B3GNT5: variants seen among roughly 807,000 people sequenced by gnomAD.
B3GNT5 encodes lactosylceramide 1,3-N-acetyl-beta-D-glucosaminyltransferase.
A neutral mutation model predicts 25.9 loss-of-function variants in B3GNT5; 11 were observed. That is an observed-to-expected ratio of 0.42 (90% confidence interval 0.27 to 0.70). B3GNT5 has a LOEUF of 0.70. B3GNT5 is among the 30% of genes least tolerant of loss of function. B3GNT5 has a pLI of 0.23. For missense variants in B3GNT5, 385 were observed against 458.4 expected (o/e 0.84, Z 1.46); for synonymous variants, 166 against 158.6 (o/e 1.05, Z -0.35).
At chr3:183,258,045 G>A (rs768868053) in intron 1 of B3GNT5, among the ~76,000 whole-genome samples, 2 of 120,032 alleles carry the variant, frequency 1.7e-5, no homozygotes, top group African/African-American at 3.1e-5. Flanking sequence ...TCGGCTCACC[G>A]CAACCTCCGC....
intron 1 of B3GNT5, among the ~76,000 whole-genome samples, chr3:183,257,571 T>C (rs1045931084): frequency 6.6e-6 from 1 of 152,210 alleles, no homozygotes; most frequent in African/African-American, 2.4e-5. Context: ...TAAATGTTGA[T>C]CCACCAAGAC....
intron 1 of B3GNT5, among the ~76,000 whole-genome samples, chr3:183,260,176 G>A (rs1449966543): frequency 2.6e-5 from 4 of 152,038 alleles, no homozygotes; most frequent in Admixed American, 6.6e-5. Context: ...TCGGTATCTC[G>A]ATGCCTCAGT....
chr3:183,253,887 C>T (rs1724753678), intron 1 of B3GNT5: 1 of 152,242 alleles, frequency 6.6e-6, no homozygotes, highest in South Asian at 2.1e-4. Flanking sequence ...CGGCCGAGGC[C>T]TCTCTGGGTG....
intron 1 of B3GNT5, among the ~76,000 whole-genome samples, chr3:183,269,230 C>CTTTTTTGTTTTTTT (rs1726469621): frequency 1.2e-5 from 1 of 81,030 alleles, no homozygotes; most frequent in Non-Finnish European, 2.2e-5. Context: ...GTTTGGGAAG[C>CTTTTTTGTTTTTTT]TTTTTTTTTT....
In B3GNT5 at chr3:183,269,811, G is replaced by GT; in HGVS notation, c.15dup (p.Ser6Ter). On this transcript the variant is annotated frameshift_variant, in exon 2 of 2. Transcript: ENST00000326505. LOFTEE classifies it high-confidence loss of function. Reference sequence around the variant, plus strand: ...GACTTGAGTGGATATGAGAATGTTGGTTAGTGGCAGAAGAGTCAAAAAATG... The same window carrying GT: ...GACTTGAGTGGATATGAGAATGTTGGTTTAGTGGCAGAAGAGTCAAAAAATG... 6.2e-7 allele frequency: 1 copy of GT among 1,605,912 alleles called. No homozygotes were observed. Among genetic ancestry groups the GT allele is most frequent in the Non-Finnish European group, 8.5e-7 (1 of 1,176,114 alleles).
rs1396771956 is a variant in B3GNT5 at position 183,270,289 on chromosome 3, C to G, written c.491C>G (p.Ser164Cys). The change falls in exon 2 of 2, where the codon TCT becomes TGT. Residue 164 changes from serine to cysteine, a missense_variant. Coordinates refer to ENST00000326505, the MANE Select transcript of B3GNT5 (RefSeq NM_032047.5). This position sits in a 1 kb window ranked among gnomAD's most constrained non-coding sequence, Gnocchi z 4.5. Reference sequence around the variant, plus strand: ...ATAATTCAGCAAGACTTTGTTGATTCTTTCTACAATCTTACTCTGAAATTA... The same window carrying G: ...ATAATTCAGCAAGACTTTGTTGATTGTTTCTACAATCTTACTCTGAAATTA... ...NDIIQQDFVD[S>C]FYNLTLKLLM... is the part of the protein sequence containing the mutation. 5 of 1,614,032 alleles carry G rather than the reference C, an allele frequency of 3.1e-6. No homozygotes were observed. In the African/African-American group the frequency reaches 5.3e-5, roughly 17 times the overall value.
In B3GNT5 at chr3:183,270,899, T is replaced by C. The variant is rs200134153; in HGVS notation, c.1101T>C (p.Tyr367=). Residue 367 remains tyrosine, a synonymous_variant, in exon 2 of 2, where the codon TAT becomes TAC. Transcript: ENST00000326505. The surrounding 1 kb of genome is among the most constrained non-coding windows in gnomAD (Gnocchi z 4.5). The part of the protein sequence containing the change: ...MKIILLCKIS[Y]VDTYPCRAAF... ...TAATTCTCCTTTGTAAAATTAGCTA[T>C]GTGGACACATACCCTTGTAGGGCTG... is the stretch of plus-strand genomic sequence containing the variant. The C allele has an allele frequency of 4.3e-5, 69 of 1,605,322 alleles. No individual in the cohort carries two copies. Among genetic ancestry groups the C allele is most frequent in the Non-Finnish European group, 5.9e-5 (69 of 1,176,552 alleles).
chr3:183,261,068 A>G (rs867904659), intron 1 of B3GNT5, among the ~76,000 whole-genome samples: 8 of 152,264 alleles, frequency 5.3e-5, no homozygotes, highest in Admixed American at 6.5e-5. Context: ...TCACCTTAAA[A>G]TGTGAGTTAT....
At chr3:183,266,091 G>C (rs918195761) in intron 1 of B3GNT5, 1 of 152,234 alleles carries the variant, frequency 6.6e-6, no homozygotes, top group Non-Finnish European at 1.5e-5. Flanking sequence ...GCTTACAGTA[G>C]CCATATAAGC....
At chr3:183,260,423 G>C (rs1208720550) in intron 1 of B3GNT5, among the ~76,000 whole-genome samples, 1 of 152,180 alleles carries the variant, frequency 6.6e-6, no homozygotes, top group Non-Finnish European at 1.5e-5. Context: ...CAAGTGTGTT[G>C]CAAGAATGAG....
chr3:183,258,982 A>AAC (rs1560376547), intron 1 of B3GNT5, among the ~76,000 whole-genome samples: 1 of 152,244 alleles, frequency 6.6e-6, no homozygotes, highest in Non-Finnish European at 1.5e-5. Context: ...TTTAGTGCAT[A>AAC]ATGACAAGAA....
At chr3:183,254,356 C>G (rs903607805) in intron 1 of B3GNT5, 5 of 152,044 alleles carry the variant, frequency 3.3e-5, no homozygotes, top group African/African-American at 1.2e-4. Context: ...GGAGGCCTCT[C>G]CCACCGCGGG....
intron 1 of B3GNT5, among the ~76,000 whole-genome samples, chr3:183,260,404 C>G (rs772511712): frequency 6.6e-6 from 1 of 152,128 alleles, no homozygotes; most frequent in Non-Finnish European, 1.5e-5. Flanking sequence ...GCAACCGTGT[C>G]AGCCCAAACA....
At chr3:183,269,194 G>T (rs984138237) in intron 1 of B3GNT5, among the ~76,000 whole-genome samples, 2 of 132,070 alleles carry the variant, frequency 1.5e-5, no homozygotes, top group Non-Finnish European at 3.1e-5. Context: ...TGTGAAATTT[G>T]AACTTAAGTA....
chr3:183,258,961 A>G (rs1725335443), intron 1 of B3GNT5, among the ~76,000 whole-genome samples: 1 of 152,254 alleles, frequency 6.6e-6, no homozygotes, highest in Non-Finnish European at 1.5e-5. Context: ...AACAATTGTT[A>G]CACGGTATTG....
intron 1 of B3GNT5, among the ~76,000 whole-genome samples, chr3:183,259,185 T>C (rs1190546525): frequency 6.6e-6 from 1 of 152,190 alleles, no homozygotes; most frequent in Admixed American, 6.5e-5. Flanking sequence ...TTAGTCAGTT[T>C]TTCTGGGGCA....
At chr3:183,262,044 T>A (rs1301399197) in intron 1 of B3GNT5, among the ~76,000 whole-genome samples, 1 of 145,696 alleles carries the variant, frequency 6.9e-6, no homozygotes, top group Non-Finnish European at 1.5e-5. Context: ...TTAAAAGATA[T>A]AAAGGAATGA....
chr3:183,272,844 C>T lies in B3GNT5; in HGVS notation c.*1909C>T, dbSNP rs1335236202. 8.0e-7 allele frequency: 1 copy of T among 1,249,542 alleles called. No homozygotes were observed. Among genetic ancestry groups the T allele is most frequent in the Admixed American group, 4.4e-5 (1 of 22,850 alleles). The allele number at this position is 1,249,542 out of a possible 1,614,324, so 77.4% of individuals were successfully genotyped here. Reference sequence around the variant, plus strand: ...TGCCATTGGTTGAAAACATAAGTGTCTCTGGCCATCAAAGTGATCTTGTTT... The same window carrying T: ...TGCCATTGGTTGAAAACATAAGTGTTTCTGGCCATCAAAGTGATCTTGTTT... On this transcript the variant is annotated 3_prime_UTR_variant, in exon 2 of 2. Coordinates refer to ENST00000326505, the MANE Select transcript of B3GNT5 (RefSeq NM_032047.5).
intron 1 of B3GNT5, among the ~76,000 whole-genome samples, chr3:183,260,316 G>A (rs1478971464): frequency 6.6e-6 from 1 of 152,118 alleles, no homozygotes; most frequent in Admixed American, 6.6e-5. Context: ...GGTAGTAACT[G>A]TTGCTAGACT....
Sources: gnomAD v4.1 joint callset for allele counts (sites outside exome capture counted in the v4.1 genomes callset) on GRCh38, gnomAD v4.1.1 for gene constraint, Gnocchi (gnomAD v3.1) non-coding constraint, MANE v1.5 for transcripts, NCBI Gene and HGNC (gene_info 2026-07-23, HGNC 2026-07-21) for gene names.